The following ENTREP2 variants were observed in gnomAD, a reference collection of about 807,000 sequenced individuals.
ENTREP2 encodes protein ENTREP2.
At chr15:29,532,693 A>T in the ENTREP2 span, among the ~76,000 whole-genome samples, 1 of 152,262 alleles carries the variant, frequency 6.6e-6, no homozygotes, top group Non-Finnish European at 1.5e-5. Flanking sequence ...AACTTTCTGT[A>T]TATGCTATAC....
At chr15:29,434,214 A>T in the ENTREP2 span, among the ~76,000 whole-genome samples, 1 of 152,222 alleles carries the variant, frequency 6.6e-6, no homozygotes, top group South Asian at 2.1e-4. Context: ...CCCTGATTGC[A>T]GAATTCAGCA....
chr15:29,256,764 A>G, the ENTREP2 span, among the ~76,000 whole-genome samples: 3 of 152,228 alleles, frequency 2.0e-5, no homozygotes, highest in African/African-American at 7.2e-5. Context: ...AGGTCCATAA[A>G]TGAAGTTTCA....
the ENTREP2 span, among the ~76,000 whole-genome samples, chr15:29,384,623 G>A: frequency 6.6e-6 from 1 of 152,086 alleles, no homozygotes; most frequent in Non-Finnish European, 1.5e-5. Flanking sequence ...CTCCAGGGAG[G>A]CTGGCAAGGG....
the ENTREP2 span, among the ~76,000 whole-genome samples, chr15:29,247,811 T>C: frequency 1.3e-5 from 2 of 152,110 alleles, no homozygotes; most frequent in Non-Finnish European, 2.9e-5. Context: ...TCCTCCTGTA[T>C]CCAATTAAAC....
At chr15:29,172,019 G>T in the ENTREP2 span, among the ~76,000 whole-genome samples, 1 of 152,138 alleles carries the variant, frequency 6.6e-6, no homozygotes, top group Non-Finnish European at 1.5e-5. Flanking sequence ...CATCTCCCAT[G>T]GCAAAATAAT....
the ENTREP2 span, among the ~76,000 whole-genome samples, chr15:29,189,638 G>A: frequency 6.6e-6 from 1 of 152,044 alleles, no homozygotes. Context: ...AAAAGCATAA[G>A]GACATTGTTG....
the ENTREP2 span, chr15:29,118,223 A>ATGAC: frequency 1.3e-5 from 2 of 152,608 alleles, no homozygotes; most frequent in African/African-American, 4.8e-5. Flanking sequence ...AAGCTTTAGG[A>ATGAC]TGACTGTATT....
At chr15:29,269,078 T>C in the ENTREP2 span, 1 of 1,614,142 alleles carries the variant, frequency 6.2e-7, no homozygotes, top group Non-Finnish European at 8.5e-7. Flanking sequence ...TGCTTCTTGG[T>C]GGGGTAGACC....
At chr15:29,222,171 G>C in the ENTREP2 span, among the ~76,000 whole-genome samples, 2 of 152,174 alleles carry the variant, frequency 1.3e-5, no homozygotes, top group African/African-American at 4.8e-5. Context: ...TTGCAGTAAA[G>C]AAGCTGGCCA....
At chr15:29,490,257 GTC>G in the ENTREP2 span, among the ~76,000 whole-genome samples, 1 of 152,124 alleles carries the variant, frequency 6.6e-6, no homozygotes, top group African/African-American at 2.4e-5. Flanking sequence ...TGGGTTTATG[GTC>G]TCTCTGGCCT....
the ENTREP2 span, among the ~76,000 whole-genome samples, chr15:29,596,364 G>A: frequency 1.3e-5 from 2 of 152,050 alleles, no homozygotes; most frequent in Non-Finnish European, 2.9e-5. Context: ...AATCTCCCAT[G>A]CCTGCAGTGA....
At chr15:29,490,601 A>G in the ENTREP2 span, among the ~76,000 whole-genome samples, 4 of 152,190 alleles carry the variant, frequency 2.6e-5, no homozygotes, top group African/African-American at 9.6e-5. Flanking sequence ...TGACCTAGAC[A>G]CAGAGTGCTG....
At chr15:29,307,228 G>A in the ENTREP2 span, among the ~76,000 whole-genome samples, 3 of 151,584 alleles carry the variant, frequency 2.0e-5, no homozygotes, top group Non-Finnish European at 2.9e-5. Flanking sequence ...ATTATCTGAC[G>A]AAATAGGAAA....
chr15:29,228,318 C>CAAACAA, the ENTREP2 span, among the ~76,000 whole-genome samples: 43 of 151,400 alleles, frequency 2.8e-4, no homozygotes, highest in African/African-American at 8.7e-4. Flanking sequence ...GACTCCGTCT[C>CAAACAA]AAACAAAAAC....
the ENTREP2 span, among the ~76,000 whole-genome samples, chr15:29,294,861 A>G: frequency 6.6e-6 from 1 of 152,182 alleles, no homozygotes; most frequent in African/African-American, 2.4e-5. Flanking sequence ...TGTCTGAGGA[A>G]CAATTTGGCA....
the ENTREP2 span, among the ~76,000 whole-genome samples, chr15:29,361,503 T>C: frequency 1.3e-5 from 2 of 152,242 alleles, no homozygotes; most frequent in African/African-American, 2.4e-5. Flanking sequence ...TACAACTTTA[T>C]GTATCTTTAA....
chr15:29,666,110 G>T, the ENTREP2 span, among the ~76,000 whole-genome samples: 3 of 151,878 alleles, frequency 2.0e-5, no homozygotes, highest in African/African-American at 7.3e-5. Context: ...TCCAGCCTCT[G>T]AACCCAAAGT....
chr15:29,374,210 A>T, the ENTREP2 span: 1 of 152,186 alleles, frequency 6.6e-6, no homozygotes, highest in Non-Finnish European at 1.5e-5. Flanking sequence ...GAAGAAATTC[A>T]AATAGGTAAT....
chr15:29,279,985 T>A, the ENTREP2 span, among the ~76,000 whole-genome samples: 1 of 152,276 alleles, frequency 6.6e-6, no homozygotes, highest in African/African-American at 2.4e-5. Context: ...ATTGCTTTCC[T>A]TAGTATGAAA....
Sources: allele counts gnomAD v4.1 joint callset (sites outside exome capture counted in the v4.1 genomes callset), GRCh38; gene constraint gnomAD v4.1.1; transcripts MANE v1.5; gene names NCBI Gene and HGNC (gene_info 2026-07-23, HGNC 2026-07-21).